Variants in ST7 observed in about 807,000 individuals in gnomAD.
ST7 encodes the protein suppression of tumorigenicity 7, also known as suppressor of tumorigenicity 7 protein.
A neutral mutation model predicts 78.7 loss-of-function variants in ST7; 28 were observed. That is an observed-to-expected ratio of 0.36 (90% CI 0.26 to 0.49). The LOEUF (loss-of-function observed/expected upper bound fraction) is 0.49, where lower values mean the gene tolerates loss of function less well. Among genes scored for constraint, ST7 ranks in the 20% least tolerant of loss-of-function variants. The probability of loss-of-function intolerance (pLI) is 0.99; values close to 1 mark genes in which losing one functional copy is unlikely to be tolerated. For missense variants in ST7, 418 were observed against 696.0 expected (o/e 0.60, Z 4.49); for synonymous variants, 247 against 249.6 (o/e 0.99, Z 0.10).
intron 1 of ST7, among the ~76,000 whole-genome samples, chr7:117,050,282 G>A (rs1797712490): frequency 6.6e-6 from 1 of 152,072 alleles, no homozygotes; most frequent in Admixed American, 6.5e-5. Flanking sequence ...GCTGTGATGA[G>A]CAATTCACTG....
At chr7:117,111,956 A>T (rs560258832) in intron 2 of ST7, among the ~76,000 whole-genome samples, 1 of 152,340 alleles carries the variant, frequency 6.6e-6, no homozygotes, top group African/African-American at 2.4e-5. Context: ...ACATTTATAC[A>T]TAGATTCCTA....
chr7:117,074,975 A>G (rs575853548), intron 1 of ST7, among the ~76,000 whole-genome samples: 2 of 152,308 alleles, frequency 1.3e-5, no homozygotes, highest in African/African-American at 4.8e-5. Flanking sequence ...AATTTGGGTT[A>G]GTGGGTGAAT....
intron 2 of ST7, among the ~76,000 whole-genome samples, chr7:117,105,838 CT>C (rs755065025): frequency 3.9e-5 from 6 of 152,130 alleles, no homozygotes; most frequent in African/African-American, 7.2e-5. Context: ...ATATGTACAG[CT>C]ATTATGTATC....
intron 1 of ST7, chr7:116,956,519 G>A: frequency 2.1e-6 from 1 of 471,166 alleles, no homozygotes; most frequent in Non-Finnish European, 4.4e-6. Context: ...GATGGCGCAG[G>A]CCTCCCTTCC....
At chr7:117,144,073 A>G (rs1805550394) in intron 9 of ST7, 1 of 152,244 alleles carries the variant, frequency 6.6e-6, no homozygotes, top group Non-Finnish European at 1.5e-5. Flanking sequence ...CAAATACATT[A>G]TATGTTAATA....
intron 13 of ST7, among the ~76,000 whole-genome samples, chr7:117,216,143 A>T (rs1792675213): frequency 6.6e-6 from 1 of 152,160 alleles, no homozygotes; most frequent in African/African-American, 2.4e-5. Flanking sequence ...GGAACCTAGA[A>T]AATGTGTCTG....
rs71544774 is a variant in ST7 at position 117,031,477 on chromosome 7, T to C, written c.152-68285T>C. Among the ~76,000 whole-genome samples, 7 of 113,360 alleles carry C rather than the reference T, an allele frequency of 6.2e-5. 2 individuals carry two copies. Among genetic ancestry groups the C allele is most frequent in the African/African-American group, 1.1e-4 (4 of 35,756 alleles). The allele number at this position is 113,360 out of a possible 152,430, so 74.4% of individuals were successfully genotyped here. ...ATATGTGCATATATATGCATATATG[T>C]GTGTATATGTGCATATATATGCATA... On this transcript the variant is annotated intron_variant, in intron 1 of 15. Transcript: ENST00000323984.
At chr7:117,200,976 C>T (rs1482705211) in intron 12 of ST7, among the ~76,000 whole-genome samples, 1 of 152,028 alleles carries the variant, frequency 6.6e-6, no homozygotes, top group Admixed American at 6.6e-5. Context: ...GATGGAAATT[C>T]TATTTCATGC....
intron 9 of ST7, among the ~76,000 whole-genome samples, chr7:117,143,196 T>C (rs753226492): frequency 2.6e-5 from 4 of 152,170 alleles, no homozygotes; most frequent in Non-Finnish European, 5.9e-5. Context: ...AAATCTACAG[T>C]TCCTTTGAAA....
chr7:116,984,113 CTGTG>C lies in ST7; in HGVS notation c.151+30450_151+30453del, dbSNP rs56178812. ...TCCAGTTTGCACGTATTTATGTCAG[CTGTG>C]TGTGTGTGTGTGTGTGTGTGTGTGT... On this transcript the variant is annotated intron_variant, in intron 1 of 15. Transcript: ENST00000323984. Among the ~76,000 whole-genome samples, 1,282 of 144,762 alleles carry C rather than the reference CTGTG, an allele frequency of 8.9e-3. 28 individuals are homozygous for C. The highest frequency in any genetic ancestry group is 0.031 in the African/African-American group (1,214 of 39,576). 95.0% of individuals were successfully genotyped at this position (144,762 alleles called of 152,430 possible).
At chr7:117,135,273 AG>A (rs1316883074) in intron 7 of ST7, among the ~76,000 whole-genome samples, 3 of 152,056 alleles carry the variant, frequency 2.0e-5, no homozygotes, top group Non-Finnish European at 4.4e-5. Context: ...CCCACCTAAG[AG>A]GGTTGTTGAA....
chr7:117,079,133 G>A (rs1799566447), intron 1 of ST7, among the ~76,000 whole-genome samples: 1 of 152,236 alleles, frequency 6.6e-6, no homozygotes, highest in South Asian at 2.1e-4. Flanking sequence ...GATAGCATTT[G>A]TTTTTTACTC....
intron 1 of ST7, among the ~76,000 whole-genome samples, chr7:116,957,743 T>G (rs1792583343): frequency 6.6e-6 from 1 of 152,212 alleles, no homozygotes; most frequent in Non-Finnish European, 1.5e-5. Context: ...TAAAAAATAG[T>G]ACCATAACTT....
At chr7:117,083,176 C>T (rs1465509133) in intron 1 of ST7, among the ~76,000 whole-genome samples, 1 of 152,164 alleles carries the variant, frequency 6.6e-6, no homozygotes, top group African/African-American at 2.4e-5. Context: ...TCTCTTGCTT[C>T]AGCTTCCAGA....
intron 1 of ST7, among the ~76,000 whole-genome samples, chr7:117,097,383 T>G (rs1415682972): frequency 2.0e-5 from 3 of 150,828 alleles, no homozygotes; most frequent in African/African-American, 7.3e-5. Flanking sequence ...TGGAGTGCAA[T>G]GGTGTGATCT....
chr7:117,013,125 G>A (rs1309457042), intron 1 of ST7, among the ~76,000 whole-genome samples: 1 of 152,134 alleles, frequency 6.6e-6, no homozygotes, highest in Admixed American at 6.5e-5. Flanking sequence ...ATTGTGAAAA[G>A]CATAAAATGT....
chr7:117,199,114 C>T (rs1410907386), intron 12 of ST7: 1 of 152,114 alleles, frequency 6.6e-6, no homozygotes, highest in Non-Finnish European at 1.5e-5. Context: ...GAGTCATCTC[C>T]ACTGCCTACC....
chr7:117,056,404 G>A (rs183391446), intron 1 of ST7, among the ~76,000 whole-genome samples: 91 of 152,158 alleles, frequency 6.0e-4, no homozygotes, highest in African/African-American at 2.1e-3. Context: ...AGGCCGAGGC[G>A]GGCTGATCAC....
At chr7:117,111,165 CT>C (rs1213931101) in intron 2 of ST7, among the ~76,000 whole-genome samples, 1 of 152,170 alleles carries the variant, frequency 6.6e-6, no homozygotes, top group African/African-American at 2.4e-5. Flanking sequence ...CTATCCTTTT[CT>C]GCTGAGTGCA....
Sources: allele counts gnomAD v4.1 joint callset (sites outside exome capture counted in the v4.1 genomes callset), GRCh38; gene constraint gnomAD v4.1.1; transcripts MANE v1.5; gene names NCBI Gene and HGNC (gene_info 2026-07-23, HGNC 2026-07-21).